Variants in FRAS1 observed in about 807,000 individuals in gnomAD.
FRAS1 encodes extracellular matrix organizing protein FRAS1.
A neutral mutation model predicts 435.2 loss-of-function variants in FRAS1; 290 were observed. The ratio of observed to expected loss-of-function variants is 0.67; its 90% confidence interval spans 0.61 to 0.73. The LOEUF (loss-of-function observed/expected upper bound fraction) is 0.73, where lower values mean the gene tolerates loss of function less well. Ranked by LOEUF, FRAS1 falls within the 30% of genes least tolerant of loss-of-function variation. The probability of loss-of-function intolerance (pLI) is 0.00; values close to 1 mark genes in which losing one functional copy is unlikely to be tolerated. For synonymous variants in FRAS1, 1,800 were observed against 1,851.0 expected (o/e 0.97, Z 0.71); for missense variants, 4,860 against 5,001.5 (o/e 0.97, Z 0.85).
rs781713147 is a variant in FRAS1, at chr4:78,488,922, G to T, written c.8800G>T (p.Glu2934Ter). 6.2e-7 allele frequency: 1 copy of T among 1,613,350 alleles called. No homozygotes were observed. The highest frequency in any genetic ancestry group is 8.5e-7 in the Non-Finnish European group (1 of 1,179,714). The change falls in exon 59 of 74, where the codon GAG becomes TAG. Residue 2934 changes from glutamate to a stop codon, truncating the protein, a stop_gained. Coordinates refer to ENST00000512123, the MANE Select transcript of FRAS1 (RefSeq NM_025074.7). LOFTEE classifies it high-confidence loss of function. ...AKDLLLVKEKEGVLHVPITRS... is the reference protein window; with the variant it reads ...AKDLLLVKEK ...GGATTTGCTCCTAGTGAAGGAGAAG[G>T]AGGGTGTCCTGCATGTCCCTATCAC...
At chr4:78,379,318 AG>A (rs1409957999) in intron 26 of FRAS1, 2 of 180,068 alleles carry the variant, frequency 1.1e-5, no homozygotes, top group Non-Finnish European at 2.3e-5. Flanking sequence ...CTTTAAAAGA[AG>A]AAAGTAGCCA....
intron 58 of FRAS1, among the ~76,000 whole-genome samples, chr4:78,486,147 C>T (rs924591962): frequency 1.5e-4 from 23 of 152,180 alleles, no homozygotes; most frequent in African/African-American, 4.8e-4. Context: ...CTCATTAACT[C>T]GTGAAACAGA....
At chr4:78,418,085 T>C (rs1733622201) in intron 32 of FRAS1, among the ~76,000 whole-genome samples, 1 of 152,202 alleles carries the variant, frequency 6.6e-6, no homozygotes, top group African/African-American at 2.4e-5. Flanking sequence ...TAGTGAGTTA[T>C]GGATGTACAC....
At chr4:78,294,119 C>G (rs1299486894) in intron 14 of FRAS1, among the ~76,000 whole-genome samples, 1 of 152,130 alleles carries the variant, frequency 6.6e-6, no homozygotes, top group Non-Finnish European at 1.5e-5. Context: ...TTCTCCATTC[C>G]CCACCCAAGC....
intron 50 of FRAS1, among the ~76,000 whole-genome samples, chr4:78,469,565 T>C (rs1719640386): frequency 6.6e-6 from 1 of 152,202 alleles, no homozygotes; most frequent in Admixed American, 6.5e-5. Flanking sequence ...CATTAACAAT[T>C]TAATGATTAT....
At chr4:78,138,090 G>A (rs534524336) in intron 2 of FRAS1, among the ~76,000 whole-genome samples, 16 of 152,298 alleles carry the variant, frequency 1.1e-4, no homozygotes, top group Admixed American at 2.6e-4. Context: ...TCTTTCTTCT[G>A]CAGGTGGTTT....
In FRAS1 at chr4:78,439,020, G is replaced by A; in HGVS notation, c.5485G>A (p.Ala1829Thr). 1 of 1,613,420 alleles carries A rather than the reference G, an allele frequency of 6.2e-7. No homozygotes were observed. The highest frequency in any genetic ancestry group is 8.5e-7 in the Non-Finnish European group (1 of 1,179,704). ...GATATTTACCATCATGATCACTCCT[G>A]CTGAAAATCCACCTCCAGTCATTGC... ...NQIFTIMITP[A>T]ENPPPVIAFA... Residue 1829 changes from alanine (A) to threonine (T), a missense_variant, in exon 40 of 74, where the codon GCT becomes ACT. Transcript: ENST00000512123.
chr4:78,215,483 C>T (rs542395575), intron 2 of FRAS1, among the ~76,000 whole-genome samples: 7 of 152,110 alleles, frequency 4.6e-5, no homozygotes, highest in Non-Finnish European at 7.4e-5. Flanking sequence ...CATGAGCCAC[C>T]GCACCCGGCC....
rs750893015 is a variant in FRAS1 at position 78,508,804 on chromosome 4, G to C, written c.9578G>C (p.Gly3193Ala). 2 of 1,613,660 alleles carry C rather than the reference G, an allele frequency of 1.2e-6. No individual in the cohort carries two copies. Among genetic ancestry groups the C allele is most frequent in the Admixed American group, 3.3e-5 (2 of 59,984 alleles). Residue 3193 changes from glycine to alanine, a missense_variant, in exon 63 of 74, where the codon GGC (glycine) becomes GCC (alanine). By Grantham distance (60) the Gly-to-Ala change is moderately conservative (BLOSUM62 0). Transcript: ENST00000512123. The part of the protein sequence containing the change: ...KEGVKKSPSP[G>A]YPLVCVTPCD... ...GGAGTCAAGAAATCCCCCTCCCCAG[G>C]CTACCCACTGGTCTGTGTCACCCCC... is the stretch of plus-strand genomic sequence containing the variant.
intron 71 of FRAS1, 65 bp from the exon 72 acceptor site, chr4:78,536,930 C>A: frequency 7.3e-7 from 1 of 1,361,336 alleles, no homozygotes; most frequent in Non-Finnish European, 1.0e-6. Context: ...CCCCTTTCAA[C>A]CCTTGACATT....
intron 2 of FRAS1, among the ~76,000 whole-genome samples, chr4:78,104,689 G>A (rs1742300821): frequency 6.6e-6 from 1 of 152,160 alleles, no homozygotes; most frequent in South Asian, 2.1e-4. Context: ...CATGCCAGGT[G>A]TTGGTGGTAT....
At chr4:78,309,619 A>G (rs774823590) in intron 15 of FRAS1, among the ~76,000 whole-genome samples, 7 of 152,036 alleles carry the variant, frequency 4.6e-5, no homozygotes, top group Non-Finnish European at 8.8e-5. Flanking sequence ...GAACCACTCT[A>G]CTGCTCATTA....
chr4:78,281,400 G>A lies in FRAS1; in HGVS notation c.1074G>A (p.Met358Ile), dbSNP rs752372842. Residue 358 changes from methionine to isoleucine, a missense_variant and splice_region_variant, in exon 11 of 74, where the codon ATG becomes ATA. Physicochemically the swap from Met to Ile is conservative, Grantham distance 10. Transcript: ENST00000512123. ...YCVYEETGEF[M>I]SSNASEVKRI... ...AAGACATTTCTCTTTGTTCCTAGAT[G>A]TCATCAAATGCTAGTGAAGTTAAAC... is the stretch of plus-strand genomic sequence containing the variant. 1 of 1,572,572 alleles carries A rather than the reference G, an allele frequency of 6.4e-7. No homozygotes were observed. The highest frequency in any genetic ancestry group is 1.2e-5 in the South Asian group (1 of 83,002).
chr4:78,286,467 CT>C lies in FRAS1; in HGVS notation c.1463del (p.Leu488ArgfsTer2), dbSNP rs1283849716. ...GGAGTGCTCATCCTGCCAGCCTCCC[CT>C]GCTGATGCGGCACGGGCAGTGTGTG... ...GLECSSCQPP[L>X]LMRHGQCVPT... is the part of the protein sequence containing the mutation. On this transcript the variant is annotated frameshift_variant, in exon 14 of 74. Coordinates refer to ENST00000512123, the MANE Select transcript of FRAS1 (RefSeq NM_025074.7). LOFTEE classifies it high-confidence loss of function. 6.2e-7 allele frequency: 1 copy of C among 1,613,616 alleles called. No individual in the cohort carries two copies. The highest frequency in any genetic ancestry group is 2.2e-5 in the East Asian group (1 of 44,892).
At chr4:78,087,779 T>C (rs981549935) in intron 2 of FRAS1, among the ~76,000 whole-genome samples, 1 of 152,064 alleles carries the variant, frequency 6.6e-6, no homozygotes, top group Non-Finnish European at 1.5e-5. Flanking sequence ...TAAAAGAGGA[T>C]ACAAAGAAAT....
Position 78,464,601 on chromosome 4 carries a change from C to G in FRAS1, c.7029+18C>G. Reference sequence around the variant, plus strand: ...ACACAGAGGTAAGAGCACTTCTTCCCATGGGTTCTCTGGCTAAATGAGAGG... The same window carrying G: ...ACACAGAGGTAAGAGCACTTCTTCCGATGGGTTCTCTGGCTAAATGAGAGG... On this transcript the variant is annotated intron_variant, in intron 49 of 73. Coordinates refer to ENST00000512123, the MANE Select transcript of FRAS1 (RefSeq NM_025074.7). 6.2e-7 allele frequency: 1 copy of G among 1,612,486 alleles called. No individual in the cohort carries two copies. Among genetic ancestry groups the G allele is most frequent in the Non-Finnish European group, 8.5e-7 (1 of 1,179,468 alleles).
chr4:78,479,957 T>G (rs1237144635), intron 56 of FRAS1, among the ~76,000 whole-genome samples: 1 of 152,192 alleles, frequency 6.6e-6, no homozygotes, highest in African/African-American at 2.4e-5. Flanking sequence ...GGGTACATAG[T>G]AAGTGTATAT....
chr4:78,237,530 C>T lies in FRAS1; in HGVS notation c.129C>T (p.Pro43=), dbSNP rs781749700. Residue 43 remains proline, a synonymous_variant, in exon 3 of 74, where the codon CCC becomes CCT. Coordinates refer to ENST00000512123, the MANE Select transcript of FRAS1 (RefSeq NM_025074.7). The part of the protein sequence containing the change: ...SLLADATIWK[P]DSCQSCRCHG... ...TACAGGATGCCACAATTTGGAAGCC[C>T]GATTCATGCCAGAGCTGCCGTTGCC... 3.5e-5 allele frequency: 56 copies of T among 1,612,802 alleles called. No homozygotes were observed. The highest frequency in any genetic ancestry group is 3.3e-4 in the Middle Eastern group (2 of 6,082).
chr4:78,499,961 T>C (rs776956551), intron 61 of FRAS1, 40 bp downstream of exon 61: 1 of 1,401,144 alleles, frequency 7.1e-7, no homozygotes, highest in South Asian at 1.9e-5. Flanking sequence ...TTTTACTTAA[T>C]AGAGGGGCAA....
Sources: gnomAD v4.1 joint callset for allele counts (sites outside exome capture counted in the v4.1 genomes callset) on GRCh38, gnomAD v4.1.1 for gene constraint, MANE v1.5 for transcripts, NCBI Gene and HGNC (gene_info 2026-07-23, HGNC 2026-07-21) for gene names.